The following CYP2J2 variants were observed in gnomAD, a reference collection of about 807,000 sequenced individuals.
CYP2J2 encodes cytochrome P450 2J2.
Under a neutral mutation model 48.8 loss-of-function variants are expected in CYP2J2, and 41 were observed. That is an observed-to-expected ratio of 0.84 (90% CI 0.66 to 1.09). The LOEUF is 1.09. Among genes scored for constraint, CYP2J2 ranks in the 50% least tolerant of loss-of-function variants. The pLI, the probability that CYP2J2 is intolerant of heterozygous loss-of-function variation, is 0.00. For synonymous variants in CYP2J2, 221 were observed against 227.1 expected, an observed-to-expected ratio of 0.97 and a Z score of 0.24; for missense variants, 644 against 617.3, an observed-to-expected ratio of 1.04 and a Z score of -0.46.
chr1:59,904,142 G>C (rs1644344736), intron 7 of CYP2J2, among the ~76,000 whole-genome samples: 1 of 152,132 alleles, frequency 6.6e-6, no homozygotes, highest in Non-Finnish European at 1.5e-5. Context: ...GGAGGCCGAG[G>C]TGGGTGGATC....
At chr1:59,952,239 T>C in the CYP2J2 span, among the ~76,000 whole-genome samples, 2 of 151,618 alleles carry the variant, frequency 1.3e-5, no homozygotes, top group South Asian at 2.1e-4. Flanking sequence ...GAGGGACGCA[T>C]GCCTAACATA....
intron 8 of CYP2J2, among the ~76,000 whole-genome samples, chr1:59,900,127 A>G (rs958731073): frequency 1.3e-5 from 2 of 152,246 alleles, no homozygotes; most frequent in African/African-American, 4.8e-5. Context: ...TTAAAAAATG[A>G]ATTAAAATTT....
At position 59,926,721 on chromosome 1, in the gene CYP2J2, G is replaced by A. The variant is rs377733707; in HGVS notation, c.26C>T (p.Ala9Val). The A allele has an allele frequency of 6.8e-6, 11 of 1,613,550 alleles. No individual in the cohort carries two copies. The highest frequency in any genetic ancestry group is 1.7e-6 in the Non-Finnish European group (2 of 1,179,792). Reference protein sequence around the residue: MLAAMGSLAAALWAVVHPR... With the variant: MLAAMGSLVAALWAVVHPR... ...ATGGACCACTGCCCAGAGGGCAGCC[G>A]CCAGAGAGCCCATCGCCGCGAGCAT... Residue 9 changes from alanine (A) to valine (V), a missense_variant, in exon 1 of 9, where the codon GCG (alanine) becomes GTG (valine). Transcript: ENST00000371204.
chr1:59,906,137 G>A (rs1351587640), intron 6 of CYP2J2, among the ~76,000 whole-genome samples: 1 of 152,210 alleles, frequency 6.6e-6, no homozygotes, highest in Admixed American at 6.5e-5. Context: ...AGTGAGCCGA[G>A]ATGGTGCCAC....
the CYP2J2 span, among the ~76,000 whole-genome samples, chr1:59,963,153 C>T: frequency 9.2e-5 from 14 of 152,238 alleles, no homozygotes; most frequent in Admixed American, 4.6e-4. Flanking sequence ...AGTTCAGTGG[C>T]GTTTGGAATT....
chr1:59,962,016 T>C, the CYP2J2 span, among the ~76,000 whole-genome samples: 1 of 151,742 alleles, frequency 6.6e-6, no homozygotes, highest in Non-Finnish European at 1.5e-5. Flanking sequence ...TTTTTTGCAG[T>C]GATAAAATGT....
the CYP2J2 span, among the ~76,000 whole-genome samples, chr1:59,935,039 T>TATAC: frequency 1.0e-4 from 10 of 100,426 alleles, no homozygotes; most frequent in Admixed American, 6.0e-4. Flanking sequence ...TATATATATA[T>TATAC]ATATATATAT....
the CYP2J2 span, among the ~76,000 whole-genome samples, chr1:59,934,986 T>C: frequency 1.6e-5 from 1 of 63,966 alleles, no homozygotes; most frequent in African/African-American, 5.5e-5. Flanking sequence ...AAAAAGAAAA[T>C]GGGATATATA....
chr1:59,905,363 T>C (rs1644356609), intron 6 of CYP2J2, among the ~76,000 whole-genome samples: 1 of 152,238 alleles, frequency 6.6e-6, no homozygotes, highest in Admixed American at 6.5e-5. Flanking sequence ...TGGCACTTTC[T>C]CAGTGTGTCC....
chr1:59,966,026 T>C, the CYP2J2 span, among the ~76,000 whole-genome samples: 1 of 152,216 alleles, frequency 6.6e-6, no homozygotes, highest in African/African-American at 2.4e-5. Context: ...AAACCATTGG[T>C]AAGCTCTCTT....
chr1:59,920,525 G>C (rs578130262), intron 1 of CYP2J2, among the ~76,000 whole-genome samples: 1 of 152,168 alleles, frequency 6.6e-6, no homozygotes, highest in East Asian at 1.9e-4. Context: ...CACATAAGAG[G>C]ACCAGGGTTG....
intron 7 of CYP2J2, among the ~76,000 whole-genome samples, chr1:59,902,286 G>A (rs1644326839): frequency 6.6e-6 from 1 of 152,088 alleles, no homozygotes; most frequent in Non-Finnish European, 1.5e-5. Flanking sequence ...ATATGTACTT[G>A]CATGATTACT....
At chr1:59,905,178 T>TA in intron 6 of CYP2J2, 120 bp from the exon 7 acceptor site, 6 of 1,023,474 alleles carry the variant, frequency 5.9e-6, no homozygotes, top group Non-Finnish European at 5.6e-6. Context: ...TTGCAAGAAA[T>TA]AAAATGGTTC....
intron 4 of CYP2J2, 26 bp from the exon 5 acceptor site, chr1:59,909,986 TGCA>T: frequency 6.4e-7 from 1 of 1,565,836 alleles, no homozygotes; most frequent in South Asian, 1.2e-5. Context: ...AAAACAATCA[TGCA>T]GATAACATGG....
At chr1:59,931,445 A>G (rs552907630), upstream of CYP2J2, among the ~76,000 whole-genome samples, 1 of 152,262 alleles carries the variant, frequency 6.6e-6, no homozygotes, top group African/African-American at 2.4e-5. Flanking sequence ...AAAAGGAAGA[A>G]GAAAAAAAGT....
the CYP2J2 span, among the ~76,000 whole-genome samples, chr1:59,938,283 T>G: frequency 2.6e-5 from 4 of 152,132 alleles, no homozygotes; most frequent in East Asian, 7.7e-4. Flanking sequence ...GAACTGGCGC[T>G]CAGCATGCGG....
At chr1:59,948,790 A>AT in the CYP2J2 span, among the ~76,000 whole-genome samples, 3 of 152,108 alleles carry the variant, frequency 2.0e-5, no homozygotes, top group Admixed American at 1.3e-4. Context: ...CATTATCAAA[A>AT]TTTTTTTTCA....
chr1:59,947,325 C>A, the CYP2J2 span, among the ~76,000 whole-genome samples: 1 of 152,162 alleles, frequency 6.6e-6, no homozygotes, highest in Non-Finnish European at 1.5e-5. Context: ...AGTATTTGAC[C>A]TGGAGAATCC....
chr1:59,933,457 A>T, the CYP2J2 span, among the ~76,000 whole-genome samples: 1 of 152,186 alleles, frequency 6.6e-6, no homozygotes, highest in Non-Finnish European at 1.5e-5. Context: ...AGAGTGGATT[A>T]AAAAATATCC....
Sources: gnomAD v4.1 joint callset for allele counts (sites outside exome capture counted in the v4.1 genomes callset) on GRCh38, gnomAD v4.1.1 for gene constraint, MANE v1.5 for transcripts, NCBI Gene and HGNC (gene_info 2026-07-23, HGNC 2026-07-21) for gene names.